Variants in SGK3 observed in about 807,000 individuals in gnomAD.
SGK3 encodes serine/threonine-protein kinase Sgk3.
Under a neutral mutation model 68.5 loss-of-function variants are expected in SGK3, and 47 were observed. The observed-to-expected ratio is 0.69, with a 90% CI of 0.54 to 0.87. The LOEUF (loss-of-function observed/expected upper bound fraction) is 0.87, where lower values mean the gene tolerates loss of function less well. Among genes scored for constraint, SGK3 ranks in the 40% least tolerant of loss-of-function variants. The pLI is 0.00. For synonymous variants in SGK3, 181 were observed against 189.1 expected (o/e 0.96, Z 0.35); for missense variants, 479 against 575.5 (o/e 0.83, Z 1.72).
chr8:66,847,218 C>T lies in SGK3; in HGVS notation c.1100C>T (p.Ala367Val). 1 of 1,606,992 alleles carries T rather than the reference C, an allele frequency of 6.2e-7. No homozygotes were observed. Among genetic ancestry groups the T allele is most frequent in the African/African-American group, 1.3e-5 (1 of 74,400 alleles). Residue 367 changes from alanine (A) to valine (V), a missense_variant, in exon 15 of 17, where the codon GCT becomes GTT. Ala to Val is a moderately conservative substitution (Grantham distance 64). Transcript: ENST00000521198. ...CCTCCTTTTTATTGCCGAGATGTTG[C>T]TGAAATGTATGACAATATCCTTCAC... ...GLPPFYCRDV[A>V]EMYDNILHKP...
chr8:66,740,116 G>A (rs1805437275), intron 1 of SGK3, among the ~76,000 whole-genome samples: 1 of 152,074 alleles, frequency 6.6e-6, no homozygotes, highest in Admixed American at 6.5e-5. Flanking sequence ...ACACATTTTT[G>A]TACCAGAATT....
intron 1 of SGK3, among the ~76,000 whole-genome samples, chr8:66,779,578 AT>A (rs1563622953): frequency 1.2e-4 from 16 of 133,250 alleles, no homozygotes; most frequent in Non-Finnish European, 1.9e-4. Context: ...ATATATATAT[AT>A]ATATATATAT....
chr8:66,757,976 A>G (rs1362243877), intron 1 of SGK3, among the ~76,000 whole-genome samples: 1 of 148,838 alleles, frequency 6.7e-6, no homozygotes, highest in Non-Finnish European at 1.5e-5. Flanking sequence ...ATATATATAC[A>G]CACACACTAT....
chr8:66,759,380 G>C (rs1806086646), intron 1 of SGK3, among the ~76,000 whole-genome samples: 2 of 151,432 alleles, frequency 1.3e-5, no homozygotes, highest in Admixed American at 6.6e-5. Context: ...GTGAGCCACT[G>C]TGCTGGGCCA....
At chr8:66,741,975 G>A (rs559898471) in intron 1 of SGK3, among the ~76,000 whole-genome samples, 1 of 152,214 alleles carries the variant, frequency 6.6e-6, no homozygotes, top group South Asian at 2.1e-4. Context: ...ATCTGATCTA[G>A]CTTTGGGATC....
chr8:66,771,738 G>T (rs1806518001), intron 1 of SGK3, among the ~76,000 whole-genome samples: 1 of 152,142 alleles, frequency 6.6e-6, no homozygotes, highest in Non-Finnish European at 1.5e-5. Flanking sequence ...AGGGCTTAAG[G>T]AAAGTTGAAA....
rs1173317003 is a variant in SGK3, at chr8:66,787,226, A to G, written c.-121-6390A>G. 2.6e-5 allele frequency among the ~76,000 whole-genome samples: 4 copies of G among 152,022 alleles called. No homozygotes were observed. In the East Asian group the frequency reaches 7.7e-4, roughly 29 times the overall value. On this transcript the variant is annotated intron_variant, in intron 1 of 16. Transcript: ENST00000521198. ...GAAAGTGCTGGGATTACAGGCGTGA[A>G]CCACTGTGCCCAGCCTTCACTTTGT... is the stretch of plus-strand genomic sequence containing the variant.
chr8:66,722,385 C>T (rs983945288), intron 1 of SGK3, among the ~76,000 whole-genome samples: 2 of 152,196 alleles, frequency 1.3e-5, no homozygotes, highest in African/African-American at 4.8e-5. Flanking sequence ...CAAGTTCAAG[C>T]GGTTCTCCTG....
chr8:66,809,166 A>G (rs758965431), intron 4 of SGK3, among the ~76,000 whole-genome samples: 3 of 152,072 alleles, frequency 2.0e-5, no homozygotes, highest in Non-Finnish European at 4.4e-5. Flanking sequence ...CCTGGCTCAT[A>G]ATTTATTTTT....
intron 15 of SGK3, among the ~76,000 whole-genome samples, chr8:66,847,574 A>G (rs2130740359): frequency 6.6e-6 from 1 of 152,218 alleles, no homozygotes; most frequent in East Asian, 1.9e-4. Flanking sequence ...CACCACATAC[A>G]CTTTCGCACC....
intron 1 of SGK3, among the ~76,000 whole-genome samples, chr8:66,717,001 G>T (rs1177165889): frequency 2.0e-5 from 3 of 151,624 alleles, no homozygotes; most frequent in Non-Finnish European, 4.4e-5. Context: ...TTCGAGACCA[G>T]CCTGGCCAAC....
chr8:66,741,885 G>T (rs1805491612), intron 1 of SGK3, among the ~76,000 whole-genome samples: 1 of 152,194 alleles, frequency 6.6e-6, no homozygotes. Context: ...CGGTCTAATT[G>T]TACAGGTAAA....
chr8:66,831,334 T>A, intron 8 of SGK3, 23 bp downstream of exon 8: 2 of 1,612,448 alleles, frequency 1.2e-6, no homozygotes, highest in South Asian at 2.2e-5. Context: ...TGTGAGGTTT[T>A]TATTTGGTTT....
chr8:66,779,530 A>G (rs1223921763), intron 1 of SGK3, among the ~76,000 whole-genome samples: 1 of 140,920 alleles, frequency 7.1e-6, no homozygotes, highest in Non-Finnish European at 1.5e-5. Context: ...GGTAGGGGGG[A>G]GATATATATA....
At chr8:66,767,837 G>T in intron 1 of SGK3, 1 of 1,459,684 alleles carries the variant, frequency 6.9e-7, no homozygotes, top group Non-Finnish European at 9.6e-7. Context: ...GTAGCTTTAG[G>T]TAAGGATGTG....
intron 1 of SGK3, among the ~76,000 whole-genome samples, chr8:66,789,613 TG>T (rs1393014082): frequency 1.3e-5 from 2 of 152,190 alleles, no homozygotes; most frequent in Non-Finnish European, 2.9e-5. Flanking sequence ...TTGTAGACCA[TG>T]TTTTGGGTCT....
chr8:66,793,996 G>A (rs1309797265), intron 2 of SGK3, among the ~76,000 whole-genome samples, 164 bp downstream of exon 2: 3 of 152,080 alleles, frequency 2.0e-5, no homozygotes, highest in East Asian at 3.8e-4. Flanking sequence ...TGTGGCTACC[G>A]TAATGGAATA....
intron 1 of SGK3, among the ~76,000 whole-genome samples, chr8:66,772,671 C>G (rs890143140): frequency 5.9e-5 from 9 of 152,004 alleles, no homozygotes; most frequent in African/African-American, 1.9e-4. Flanking sequence ...CGCCATTCTC[C>G]TGCCTCAGCC....
chr8:66,738,905 C>T (rs922794829), intron 1 of SGK3, among the ~76,000 whole-genome samples: 4 of 152,158 alleles, frequency 2.6e-5, no homozygotes, highest in Admixed American at 1.3e-4. Context: ...GCTGGGATTA[C>T]AGGCGTGAGT....
Sources: gnomAD v4.1 joint callset for allele counts (sites outside exome capture counted in the v4.1 genomes callset) on GRCh38, gnomAD v4.1.1 for gene constraint, MANE v1.5 for transcripts, NCBI Gene and HGNC (gene_info 2026-07-23, HGNC 2026-07-21) for gene names.